MYO16: variants seen among roughly 807,000 people sequenced by gnomAD.
The protein encoded by MYO16 is myosin XVI, also known as unconventional myosin-XVI.
Under a neutral mutation model 205.3 loss-of-function variants are expected in MYO16, and 94 were observed. That is an observed-to-expected ratio of 0.46 (90% CI 0.39 to 0.54). The LOEUF is 0.54. Ranked by LOEUF, MYO16 falls within the 20% of genes least tolerant of loss-of-function variation. The pLI is 0.00. For synonymous variants in MYO16, 988 were observed against 954.0 expected (o/e 1.04, Z -0.66); for missense variants, 2,315 against 2,387.5 (o/e 0.97, Z 0.63).
intron 13 of MYO16, among the ~76,000 whole-genome samples, chr13:108,884,340 T>C (rs1299803215): frequency 6.6e-6 from 1 of 152,256 alleles, no homozygotes; most frequent in Non-Finnish European, 1.5e-5. Flanking sequence ...TGCTAGCGGT[T>C]GTTTTCGTGC....
chr13:109,206,471 G>C (rs2139983446), intron 34 of MYO16, 138 bp from the exon 35 acceptor site: 1 of 649,364 alleles, frequency 1.5e-6, no homozygotes, highest in East Asian at 2.7e-5. Context: ...AGAGGCAGCA[G>C]TGCATGGAGA....
chr13:108,936,059 A>G (rs934089664), intron 16 of MYO16, among the ~76,000 whole-genome samples: 1 of 151,296 alleles, frequency 6.6e-6, no homozygotes, highest in Non-Finnish European at 1.5e-5. Context: ...TTTTGTGTCT[A>G]TGTTCATCAG....
intron 4 of MYO16, among the ~76,000 whole-genome samples, chr13:108,773,357 A>C (rs1886028113): frequency 6.6e-6 from 1 of 152,192 alleles, no homozygotes; most frequent in South Asian, 2.1e-4. Flanking sequence ...AACAATAGAA[A>C]TTTATTCTCG....
intron 18 of MYO16, 128 bp downstream of exon 18, chr13:108,961,784 G>T (rs1883594183): frequency 2.9e-6 from 2 of 694,502 alleles, no homozygotes; most frequent in Non-Finnish European, 5.0e-6. Context: ...AGAATTCAGT[G>T]AGGGGGGGAA....
intron 23 of MYO16, among the ~76,000 whole-genome samples, chr13:109,037,422 G>A (rs1307415540): frequency 2.0e-5 from 3 of 152,122 alleles, no homozygotes; most frequent in African/African-American, 4.8e-5. Flanking sequence ...ACAATTATGG[G>A]TCTAGAATGA....
At chr13:108,672,957 C>A (rs561096509) in intron 2 of MYO16, among the ~76,000 whole-genome samples, 3 of 151,452 alleles carry the variant, frequency 2.0e-5, no homozygotes, top group African/African-American at 4.8e-5. Context: ...TGGTGCCTTG[C>A]AGGTATGTTC....
At chr13:109,061,634 C>T (rs185535712) in intron 27 of MYO16, among the ~76,000 whole-genome samples, 48 of 152,128 alleles carry the variant, frequency 3.2e-4, no homozygotes, top group African/African-American at 9.6e-4. Flanking sequence ...GTTTGTGGCA[C>T]GCCAAAACAA....
At chr13:109,153,407 A>ATAGATG (rs1254595441) in intron 32 of MYO16, among the ~76,000 whole-genome samples, 3 of 152,070 alleles carry the variant, frequency 2.0e-5, no homozygotes, top group African/African-American at 7.2e-5. Context: ...ATATATAGAT[A>ATAGATG]TAGAAAGGAT....
At chr13:108,708,515 T>C (rs1314080366) in intron 2 of MYO16, among the ~76,000 whole-genome samples, 1 of 152,226 alleles carries the variant, frequency 6.6e-6, no homozygotes, top group Non-Finnish European at 1.5e-5. Context: ...ATATCCCCTC[T>C]AACCAGGTTT....
At chr13:108,654,193 G>A (rs540780655) in intron 1 of MYO16, among the ~76,000 whole-genome samples, 1 of 152,076 alleles carries the variant, frequency 6.6e-6, no homozygotes, top group Non-Finnish European at 1.5e-5. Context: ...CAGTACCAAG[G>A]TGACACGCTT....
chr13:108,532,699 G>A, the MYO16 span, among the ~76,000 whole-genome samples: 1 of 151,970 alleles, frequency 6.6e-6, no homozygotes, highest in African/African-American at 2.4e-5. Flanking sequence ...GCTGGGGCAG[G>A]AGCATCACTT....
At chr13:108,654,266 G>A (rs908829407) in intron 1 of MYO16, among the ~76,000 whole-genome samples, 1 of 152,126 alleles carries the variant, frequency 6.6e-6, no homozygotes, top group Admixed American at 6.5e-5. Flanking sequence ...CACATGTTGT[G>A]GGAGGAACCC....
intron 6 of MYO16, among the ~76,000 whole-genome samples, chr13:108,796,220 A>T (rs1377854045): frequency 6.6e-6 from 1 of 152,198 alleles, no homozygotes; most frequent in Non-Finnish European, 1.5e-5. Flanking sequence ...TTTTAAAAGG[A>T]TCACCTACCC....
chr13:108,659,618 T>C (rs1202585368), intron 1 of MYO16, among the ~76,000 whole-genome samples: 1 of 152,146 alleles, frequency 6.6e-6, no homozygotes, highest in African/African-American at 2.4e-5. Context: ...AGCAGTTAGA[T>C]GGGAACACGG....
intron 31 of MYO16, among the ~76,000 whole-genome samples, chr13:109,129,654 T>C (rs1876435141): frequency 6.6e-6 from 1 of 152,098 alleles, no homozygotes. Context: ...AGATGGTATC[T>C]AAAATGCTAA....
At chr13:108,901,130 T>G (rs1880686158) in intron 15 of MYO16, among the ~76,000 whole-genome samples, 1 of 152,178 alleles carries the variant, frequency 6.6e-6, no homozygotes, top group Non-Finnish European at 1.5e-5. Context: ...ATGTTATCAA[T>G]GACAATGGGT....
chr13:108,776,609 G>A (rs988349966), intron 4 of MYO16, among the ~76,000 whole-genome samples: 2 of 152,084 alleles, frequency 1.3e-5, no homozygotes, highest in Non-Finnish European at 2.9e-5. Flanking sequence ...CTTCAAATAG[G>A]CACCTACAAT....
At chr13:109,114,208 T>C (rs277854) in intron 28 of MYO16, among the ~76,000 whole-genome samples, 32,981 of 151,998 alleles carry the variant, frequency 0.22, 4,285 homozygotes, top group East Asian at 0.6. Flanking sequence ...AGGGTCTTAC[T>C]CCTGAAAATG....
chr13:108,639,289 G>A (rs1432561341), intron 1 of MYO16, among the ~76,000 whole-genome samples: 3 of 152,110 alleles, frequency 2.0e-5, no homozygotes, highest in Non-Finnish European at 2.9e-5. Flanking sequence ...TTTATAAGGT[G>A]GAATTAACAG....
Sources: gnomAD v4.1 joint callset for allele counts (sites outside exome capture counted in the v4.1 genomes callset) on GRCh38, gnomAD v4.1.1 for gene constraint, MANE v1.5 for transcripts, NCBI Gene and HGNC (gene_info 2026-07-23, HGNC 2026-07-21) for gene names.